NLGN3: variants seen among roughly 807,000 people sequenced by gnomAD.
The protein encoded by NLGN3 is neuroligin-3.
A neutral mutation model predicts 42.9 loss-of-function variants in NLGN3; 11 were observed. That is an observed-to-expected ratio of 0.26 (90% CI 0.16 to 0.42). NLGN3 has a LOEUF of 0.42. Among genes scored for constraint, NLGN3 ranks in the 10% least tolerant of loss-of-function variants. The probability of loss-of-function intolerance (pLI) is 1.00; values close to 1 mark genes in which losing one functional copy is unlikely to be tolerated. For missense variants in NLGN3, 374 were observed against 733.8 expected (o/e 0.51, Z 5.67); for synonymous variants, 279 against 312.7 (o/e 0.89, Z 1.14).
chrX:71,162,531 T>C (rs1193363047), intron 5 of NLGN3, among the ~76,000 whole-genome samples: 1 of 112,184 alleles, frequency 8.9e-6, no homozygotes, highest in Non-Finnish European at 1.9e-5. Context: ...TTCTTCATCC[T>C]CATGCAGGCT....
chrX:71,163,024 G>C (rs1051411711), intron 5 of NLGN3, among the ~76,000 whole-genome samples: 2 of 111,608 alleles, frequency 1.8e-5, no homozygotes, highest in African/African-American at 6.5e-5. Context: ...AGGGAAGAGA[G>C]ATGAAATAAG....
chrX:71,173,657 G>A (rs1424060699), downstream of NLGN3, among the ~76,000 whole-genome samples: 1 of 112,640 alleles, frequency 8.9e-6, no homozygotes, highest in African/African-American at 3.2e-5. Context: ...TGAAGGGTCA[G>A]AGGTTGGTCA....
chrX:71,174,791 C>T (rs1233550009), downstream of NLGN3, among the ~76,000 whole-genome samples: 4 of 111,932 alleles, frequency 3.6e-5, no homozygotes, highest in African/African-American at 9.7e-5. Flanking sequence ...ATCAAATTTG[C>T]GAATTACACA....
Position 71,169,776 on chromosome X carries a change from G to A in NLGN3, c.2226G>A (p.Arg742=). 4 of 1,211,202 alleles carry A rather than the reference G, an allele frequency of 3.3e-6. No individual in the cohort carries two copies. The South Asian group carries it at 7.0e-5, about 21-fold the overall frequency. ...RKDKRRQEPL[R]QPSPQRGAGA... ...ACAAACGGCGCCAGGAGCCCCTGCG[G>A]CAGCCTAGCCCTCAGCGGGGAGCCG... Residue 742 remains arginine, a synonymous_variant, in exon 8 of 8, where the codon CGG becomes CGA. Coordinates refer to ENST00000358741, the MANE Select transcript of NLGN3 (RefSeq NM_181303.2).
intron 6 of NLGN3, among the ~76,000 whole-genome samples, chrX:71,166,069 A>G (rs1472403481): frequency 9.3e-6 from 1 of 107,741 alleles, no homozygotes; most frequent in African/African-American, 3.4e-5. Context: ...TTTTTTTTCT[A>G]GAGGGGAAAA....
chrX:71,153,444 G>A (rs773984498), intron 3 of NLGN3, 33 bp from the exon 4 acceptor site: 7 of 1,177,710 alleles, frequency 5.9e-6, no homozygotes, highest in Non-Finnish European at 8.1e-6. Flanking sequence ...TCTCTGTTCT[G>A]TGCTGTTGTG....
rs778206095 is a variant in NLGN3 at position 71,148,914 on chromosome X, C to G, written c.517+9C>G. The stretch of plus-strand genomic sequence containing the variant: ...AATTTGTAGGAAAGGAGGTAGGTAG[C>G]GAGCCGGCGGGGAGGGAGAGAGAGA... On this transcript the variant is annotated intron_variant, in intron 3 of 7. Transcript: ENST00000358741. 6.6e-6 allele frequency: 7 copies of G among 1,065,014 alleles called. No individual in the cohort carries two copies. Among genetic ancestry groups the G allele is most frequent in the Non-Finnish European group, 8.7e-6 (7 of 803,036 alleles). The allele number at this position is 1,065,014 out of a possible 1,213,427, so 87.8% of individuals were successfully genotyped here.
At chrX:71,146,153 T>TCTCTCACACACA (rs1185227027) in intron 1 of NLGN3, among the ~76,000 whole-genome samples, 12 of 26,338 alleles carry the variant, frequency 4.6e-4, no homozygotes, top group Non-Finnish European at 5.6e-4. Context: ...TCTCTCTCTC[T>TCTCTCACACACA]CACACACACA....
intron 5 of NLGN3, among the ~76,000 whole-genome samples, chrX:71,162,152 C>A (rs2092432559): frequency 9.2e-6 from 1 of 108,229 alleles, no homozygotes; most frequent in Non-Finnish European, 1.9e-5. Context: ...GAGATGGAGT[C>A]TCATTCTGTC....
chrX:71,153,504 A>T lies in NLGN3; in HGVS notation c.545A>T (p.Asp182Val). Residue 182 changes from aspartate (D) to valine (V), a missense_variant, in exon 4 of 8, where the codon GAC (aspartate) becomes GTC (valine). Coordinates refer to ENST00000358741, the MANE Select transcript of NLGN3 (RefSeq NM_181303.2). ...TCCGGCGCTAAGAAACAGGGCGAGG[A>T]CTTAGCGGATAATGACGGGGATGAA... ...GGSGAKKQGE[D>V]LADNDGDEDE... 1 of 1,209,346 alleles carries T rather than the reference A, an allele frequency of 8.3e-7. No individual in the cohort carries two copies. The highest frequency in any genetic ancestry group is 1.1e-6 in the Non-Finnish European group (1 of 894,156).
At chrX:71,163,451 A>G (rs1318116044) in intron 5 of NLGN3, among the ~76,000 whole-genome samples, 1 of 111,695 alleles carries the variant, frequency 9.0e-6, no homozygotes, top group Non-Finnish European at 1.9e-5. Context: ...GAAGGGGGCC[A>G]TCAAGGCCCC....
Position 71,169,963 on chromosome X carries a change from C to T in NLGN3, c.2413C>T (p.Leu805Phe), listed in dbSNP as rs763118110. 8.3e-7 allele frequency: 1 copy of T among 1,208,251 alleles called. No homozygotes were observed. Among genetic ancestry groups the T allele is most frequent in the Non-Finnish European group, 1.1e-6 (1 of 893,847 alleles). The change falls in exon 8 of 8, where the codon CTC becomes TTC. Residue 805 changes from leucine to phenylalanine, a missense_variant. Physicochemically the swap from Leu to Phe is conservative, Grantham distance 22. Around this residue, in one of 6 missense-constraint regions of NLGN3, gnomAD observed 92 missense variants for 108.0 expected, o/e 0.85. Transcript: ENST00000358741. Reference protein sequence around the residue: ...TLRRSPDDIPLMTPNTITMIP... With the variant: ...TLRRSPDDIPFMTPNTITMIP... ...GCGGCGCTCCCCGGATGACATCCCA[C>T]TCATGACCCCCAACACCATCACTAT...
At chrX:71,173,932 C>A (rs921593917), downstream of NLGN3, among the ~76,000 whole-genome samples, 3 of 111,433 alleles carry the variant, frequency 2.7e-5, no homozygotes, top group African/African-American at 9.8e-5. Context: ...TGGAGGGAAA[C>A]CTCAGCCAAA....
chrX:71,161,360 C>T (rs1485761259), intron 5 of NLGN3, among the ~76,000 whole-genome samples: 2 of 107,904 alleles, frequency 1.9e-5, no homozygotes, highest in Admixed American at 1.0e-4. Flanking sequence ...GTGATCTGCC[C>T]GCCTTGGCCT....
At chrX:71,149,969 C>A (rs1010506405) in intron 3 of NLGN3, among the ~76,000 whole-genome samples, 2 of 110,997 alleles carry the variant, frequency 1.8e-5, no homozygotes, top group African/African-American at 6.6e-5. Context: ...TGTCCTAGGG[C>A]AGAGTTTCTC....
intron 3 of NLGN3, among the ~76,000 whole-genome samples, chrX:71,150,143 C>T (rs942034407): frequency 1.8e-5 from 2 of 111,299 alleles, no homozygotes; most frequent in African/African-American, 6.5e-5. Context: ...TATTTCACCA[C>T]AGCCCCATAC....
rs1284577480 is a variant in NLGN3, at chrX:71,169,917, G to A, written c.2367G>A (p.Leu789=). The A allele has an allele frequency of 8.3e-7, 1 of 1,201,569 alleles. No homozygotes were observed. The highest frequency in any genetic ancestry group is 1.7e-5 in the African/African-American group (1 of 57,203). The change falls in exon 8 of 8, where the codon TTG becomes TTA. Residue 789 remains leucine (L), a synonymous_variant. Coordinates refer to ENST00000358741, the MANE Select transcript of NLGN3 (RefSeq NM_181303.2). ...PPHDTLRLTA[L]PDYTLTLRRS... ...ATGACACGCTGCGCCTCACTGCATT[G>A]CCCGACTACACCCTGACCCTGCGGC...
downstream of NLGN3, among the ~76,000 whole-genome samples, chrX:71,173,012 A>G (rs894044248): frequency 9.3e-6 from 1 of 107,782 alleles, no homozygotes; most frequent in Admixed American, 1.0e-4. Flanking sequence ...GGGTTTCACC[A>G]TGTTGCCCAG....
At chrX:71,161,951 G>C (rs1262833599) in intron 5 of NLGN3, among the ~76,000 whole-genome samples, 2 of 112,125 alleles carry the variant, frequency 1.8e-5, no homozygotes, top group African/African-American at 3.2e-5. Context: ...CTTGGCAAAG[G>C]CTGAAGCCAA....
Sources: allele counts gnomAD v4.1 joint callset (sites outside exome capture counted in the v4.1 genomes callset), GRCh38; gene constraint gnomAD v4.1.1; regional missense constraint gnomAD v4.1.1; transcripts MANE v1.5; gene names NCBI Gene and HGNC (gene_info 2026-07-23, HGNC 2026-07-21).